The following ZNF18 variants were observed in gnomAD, a reference collection of about 807,000 sequenced individuals.
ZNF18 encodes zinc finger protein 18.
Under a neutral mutation model 58.1 loss-of-function variants are expected in ZNF18, and 42 were observed. The observed-to-expected ratio is 0.72, with a 90% confidence interval of 0.56 to 0.93. The LOEUF (loss-of-function observed/expected upper bound fraction) is 0.93. ZNF18 is among the 40% of genes least tolerant of loss of function. The pLI is 0.00. For synonymous variants in ZNF18, 231 were observed against 239.8 expected, an observed-to-expected ratio of 0.96 and a Z score of 0.34; for missense variants, 540 against 644.2, an observed-to-expected ratio of 0.84 and a Z score of 1.75.
chr17:12,007,319 A>G, the ZNF18 span, among the ~76,000 whole-genome samples: 33 of 150,848 alleles, frequency 2.2e-4, no homozygotes, highest in Admixed American at 1.9e-3. Context: ...CTCATTAGCC[A>G]GGGATCCTTT....
At chr17:11,995,056 C>T (rs1968374119) in intron 1 of ZNF18, among the ~76,000 whole-genome samples, 1 of 152,048 alleles carries the variant, frequency 6.6e-6, no homozygotes, top group Non-Finnish European at 1.5e-5. Context: ...ACCCTTGCAA[C>T]CGTAATCCAA....
chr17:12,020,984 C>T, the ZNF18 span: 10 of 1,211,816 alleles, frequency 8.3e-6, no homozygotes, highest in South Asian at 4.1e-4. Flanking sequence ...GGCCACCCGG[C>T]CGTCAGCAGC....
the ZNF18 span, chr17:12,020,830 G>C: frequency 1.2e-6 from 1 of 815,938 alleles, no homozygotes; most frequent in Non-Finnish European, 1.6e-6. Context: ...CCGTGCGAGA[G>C]GCCGAGCTTG....
Position 11,978,267 on chromosome 17 carries a change from C to T in ZNF18, c.1340G>A (p.Arg447Gln), listed in dbSNP as rs1479035271. The change falls in exon 7 of 7, where the codon CGG becomes CAG. Residue 447 changes from arginine to glutamine, a missense_variant. Arg to Gln is a conservative substitution (Grantham distance 43). Transcript: ENST00000580306. ...CTGATGCTTCACAAAGTCTGAACTC[C>T]GCAGAAAGGCTTTTTTGCAGATGGT... ...QCTICKKAFL[R>Q]SSDFVKHQRT... is the part of the protein sequence containing the mutation. 7 of 1,608,946 alleles carry T rather than the reference C, an allele frequency of 4.4e-6. No homozygotes were observed. The highest frequency in any genetic ancestry group is 2.2e-5 in the South Asian group (2 of 90,732).
At chr17:12,014,555 G>GT in the ZNF18 span, among the ~76,000 whole-genome samples, 3 of 152,214 alleles carry the variant, frequency 2.0e-5, no homozygotes, top group Non-Finnish European at 4.4e-5. Flanking sequence ...ACCACGTACT[G>GT]TATGATTCCA....
At chr17:11,995,133 G>C (rs1968381488) in intron 1 of ZNF18, among the ~76,000 whole-genome samples, 1 of 152,150 alleles carries the variant, frequency 6.6e-6, no homozygotes. Flanking sequence ...CCAGGTCTGA[G>C]CGCAGTGGCT....
the ZNF18 span, among the ~76,000 whole-genome samples, chr17:12,007,139 A>G: frequency 6.6e-6 from 1 of 152,088 alleles, no homozygotes; most frequent in African/African-American, 2.4e-5. Context: ...CTCTACCAAG[A>G]AGGAGGTCAG....
At chr17:11,988,399 CAGA>C (rs1967888226) in intron 4 of ZNF18, among the ~76,000 whole-genome samples, 1 of 152,150 alleles carries the variant, frequency 6.6e-6, no homozygotes, top group Non-Finnish European at 1.5e-5. Flanking sequence ...CTGAGTTGAG[CAGA>C]AGGAGCTCAG....
At chr17:11,989,429 G>A (rs994165864) in intron 4 of ZNF18, among the ~76,000 whole-genome samples, 2 of 152,136 alleles carry the variant, frequency 1.3e-5, no homozygotes, top group Non-Finnish European at 2.9e-5. Context: ...AACCAATGCA[G>A]GTAGTAATCA....
At chr17:11,990,674 T>C in intron 3 of ZNF18, 124 bp from the exon 4 acceptor site, 1 of 768,102 alleles carries the variant, frequency 1.3e-6, no homozygotes, top group African/African-American at 1.7e-5. Flanking sequence ...GCCATCTATA[T>C]TTCAAGACTT....
rs1597964835 is a variant in ZNF18, at chr17:11,987,626, A to C, written c.666+2836T>G. Among the ~76,000 whole-genome samples the C allele has an allele frequency of 3.9e-5, 6 of 152,294 alleles. No homozygotes were observed. The South Asian group carries it at 1.0e-3, about 26-fold the overall frequency. On this transcript the variant is annotated intron_variant, in intron 4 of 6. Transcript: ENST00000580306. ...CAAATTGGTGCTGATGAGCATTTTA[A>C]ATCTTTTGACTTTAAGTTATCCAGA... is the stretch of plus-strand genomic sequence containing the variant.
chr17:11,983,465 G>T, intron 5 of ZNF18, 58 bp from the exon 6 acceptor site: 1 of 1,401,220 alleles, frequency 7.1e-7, no homozygotes, highest in Non-Finnish European at 1.0e-6. Flanking sequence ...GGGAGCTCAA[G>T]CTGTGTCTTT....
the ZNF18 span, among the ~76,000 whole-genome samples, chr17:12,010,037 C>T: frequency 6.6e-6 from 1 of 151,972 alleles, no homozygotes; most frequent in Admixed American, 6.6e-5. Context: ...CAGACCAAAA[C>T]AGGGGTGAAA....
At chr17:12,015,047 C>CA in the ZNF18 span, among the ~76,000 whole-genome samples, 11 of 149,650 alleles carry the variant, frequency 7.4e-5, no homozygotes, top group South Asian at 2.1e-4. Context: ...GACTCCATCT[C>CA]AAAAAAAACA....
At chr17:12,012,764 G>A in the ZNF18 span, among the ~76,000 whole-genome samples, 20 of 152,084 alleles carry the variant, frequency 1.3e-4, no homozygotes, top group Admixed American at 5.2e-4. Context: ...CAGCTTTGAC[G>A]TCCTGGGCTC....
chr17:12,009,305 T>A, the ZNF18 span: 1 of 152,084 alleles, frequency 6.6e-6, no homozygotes. Context: ...CCACTCAGGG[T>A]TCCAGGAGGA....
chr17:11,993,825 C>CAAAAAAAAAAAAAAAAAA (rs386385680), intron 1 of ZNF18, among the ~76,000 whole-genome samples: 1 of 71,244 alleles, frequency 1.4e-5, no homozygotes, highest in Non-Finnish European at 2.4e-5. Context: ...CTCCGTCTCA[C>CAAAAAAAAAAAAAAAAAA]AAAAAAAAAA....
rs779186516 is a variant in ZNF18 at position 11,983,288 on chromosome 17, A to G, written c.862+9T>C. The G allele has an allele frequency of 6.3e-7, 1 of 1,596,030 alleles. No individual in the cohort carries two copies. The highest frequency in any genetic ancestry group is 8.6e-7 in the Non-Finnish European group (1 of 1,163,774). ...AGAAATGATTCCAGACCAATGAAAG[A>G]TTACTCACCTATGCAGGTGGGTCTT... On this transcript the variant is annotated intron_variant, in intron 6 of 6. Transcript: ENST00000580306.
At chr17:12,003,182 G>A in the ZNF18 span, among the ~76,000 whole-genome samples, 55 of 152,188 alleles carry the variant, frequency 3.6e-4, no homozygotes, top group African/African-American at 1.1e-3. Context: ...GAGGCCAGGC[G>A]TGGTGGCTCA....
Sources: allele counts gnomAD v4.1 joint callset (sites outside exome capture counted in the v4.1 genomes callset), GRCh38; gene constraint gnomAD v4.1.1; transcripts MANE v1.5; gene names NCBI Gene and HGNC (gene_info 2026-07-23, HGNC 2026-07-21).